Variants in CNTFR observed in about 807,000 individuals in gnomAD.
CNTFR encodes the protein ciliary neurotrophic factor receptor.
A neutral mutation model predicts 40.4 loss-of-function variants in CNTFR; 12 were observed. That is an observed-to-expected ratio of 0.30 (90% CI 0.19 to 0.48). The LOEUF (loss-of-function observed/expected upper bound fraction) is 0.48. Ranked by LOEUF, CNTFR falls within the 20% of genes least tolerant of loss-of-function variation. CNTFR has a pLI of 0.99. For missense variants in CNTFR, 414 were observed against 506.8 expected (o/e 0.82, Z 1.76); for synonymous variants, 202 against 209.6 (o/e 0.96, Z 0.31).
chr9:34,590,296 C>T (rs1410775567), upstream of CNTFR, among the ~76,000 whole-genome samples: 2 of 152,216 alleles, frequency 1.3e-5, no homozygotes, highest in East Asian at 3.9e-4. Context: ...TGCGCACACT[C>T]CCGCACGTTC....
At chr9:34,569,589 T>C (rs1826485849) in intron 2 of CNTFR, 1 of 153,394 alleles carries the variant, frequency 6.5e-6, no homozygotes, top group Non-Finnish European at 1.5e-5. Context: ...GCCCCTCAGA[T>C]CCGTCATCTG....
intron 7 of CNTFR, among the ~76,000 whole-genome samples, chr9:34,555,855 G>A (rs1825810113): frequency 6.6e-6 from 1 of 151,478 alleles, no homozygotes; most frequent in Non-Finnish European, 1.5e-5. Context: ...CTGAGAGCGA[G>A]GTAAGGAAAG....
intron 7 of CNTFR, among the ~76,000 whole-genome samples, chr9:34,554,099 G>A (rs1162550092): frequency 6.6e-6 from 1 of 152,104 alleles, no homozygotes; most frequent in Admixed American, 6.5e-5. Context: ...ACACCTTTTG[G>A]GCCCAGACCC....
chr9:34,565,429 C>T (rs991513785), intron 3 of CNTFR, among the ~76,000 whole-genome samples: 1 of 152,144 alleles, frequency 6.6e-6, no homozygotes, highest in African/African-American at 2.4e-5. Context: ...CCCAGCCTGC[C>T]ACCCCACAAC....
chr9:34,564,665 C>T lies in CNTFR; in HGVS notation c.253G>A (p.Gly85Ser). Reference protein sequence around the residue: ...VLHGLELGHSGLYACFHRDSW... With the variant: ...VLHGLELGHSSLYACFHRDSW... Reference sequence around the variant, plus strand: ...TCACGGTGGAAGCAGGCGTAGAGGCCACTGTGGCCCAGTTCCAGGCCATGG... The same window carrying T: ...TCACGGTGGAAGCAGGCGTAGAGGCTACTGTGGCCCAGTTCCAGGCCATGG... Residue 85 changes from glycine to serine, a missense_variant, in exon 4 of 10, where the codon GGC becomes AGC. Physicochemically the swap from Gly to Ser is moderately conservative, Grantham distance 56. This residue lies in a region of CNTFR where 250 missense variants were observed against 269.5 expected (regional missense o/e 0.93). Transcript: ENST00000378980. 1 of 1,613,764 alleles carries T rather than the reference C, an allele frequency of 6.2e-7. No homozygotes were observed. The highest frequency in any genetic ancestry group is 1.3e-5 in the African/African-American group (1 of 74,990).
At chr9:34,562,043 T>C (rs1826097456) in intron 4 of CNTFR, among the ~76,000 whole-genome samples, 1 of 152,164 alleles carries the variant, frequency 6.6e-6, no homozygotes, top group South Asian at 2.1e-4. Context: ...CAAGACCCAA[T>C]TCCCCTCCAA....
Position 34,551,987 on chromosome 9 carries a change from A to G in CNTFR, c.*84T>C. On this transcript the variant is annotated 3_prime_UTR_variant, in exon 10 of 10. Transcript: ENST00000378980. ...GCAAAAGGTCCTCCTGCCCGTGTGC[A>G]AAATAGAAACCGGGGTCTGCAGGCT... is the stretch of plus-strand genomic sequence containing the variant. The G allele has an allele frequency of 1.2e-6, 1 of 835,106 alleles. No individual in the cohort carries two copies. Among genetic ancestry groups the G allele is most frequent in the Non-Finnish European group, 2.0e-6 (1 of 492,742 alleles). The allele number at this position is 835,106 out of a possible 1,614,324, so 51.7% of individuals were successfully genotyped here.
intron 1 of CNTFR, among the ~76,000 whole-genome samples, chr9:34,588,743 G>A (rs1227130947): frequency 6.6e-6 from 1 of 152,234 alleles, no homozygotes; most frequent in Non-Finnish European, 1.5e-5. Flanking sequence ...AACGCTGGAG[G>A]AGAGGCTCGG....
At chr9:34,575,344 C>T (rs537135041) in intron 2 of CNTFR, among the ~76,000 whole-genome samples, 4 of 152,210 alleles carry the variant, frequency 2.6e-5, no homozygotes, top group East Asian at 1.9e-4. Context: ...AGGGACAGAA[C>T]GCTGTAGCAC....
intron 7 of CNTFR, among the ~76,000 whole-genome samples, chr9:34,553,446 G>A (rs1825715326): frequency 6.6e-6 from 1 of 152,192 alleles, no homozygotes; most frequent in African/African-American, 2.4e-5. Flanking sequence ...GGGTTACAAT[G>A]AGGACCAAGG....
chr9:34,566,202 C>G (rs374873931), intron 3 of CNTFR, among the ~76,000 whole-genome samples: 2 of 152,108 alleles, frequency 1.3e-5, no homozygotes, highest in Non-Finnish European at 2.9e-5. Context: ...ACTGGAACAT[C>G]TGTCCCGGTT....
chr9:34,564,460 G>T, intron 4 of CNTFR, 139 bp downstream of exon 4: 1 of 831,992 alleles, frequency 1.2e-6, no homozygotes, highest in Non-Finnish European at 1.9e-6. Context: ...AGCGGGCCAG[G>T]ACAAAATCAG....
intron 2 of CNTFR, among the ~76,000 whole-genome samples, chr9:34,580,716 C>T (rs1422195368): frequency 6.6e-6 from 1 of 152,176 alleles, no homozygotes; most frequent in African/African-American, 2.4e-5. Flanking sequence ...TTCTGACCTG[C>T]CATCCCATCT....
rs140245219 is a variant in CNTFR, at chr9:34,564,794, C to T, written c.124G>A (p.Val42Met). The change falls in exon 4 of 10, where the codon GTG becomes ATG. Residue 42 changes from valine to methionine, a missense_variant. This residue lies in a region of CNTFR where 250 missense variants were observed against 269.5 expected (regional missense o/e 0.93). Transcript: ENST00000378980. Reference sequence around the variant, plus strand: ...TTTGCTGTCCCACATGGCAGTGTCACGTCAGAGCCCAGGCGCTCGTACTGC... The same window carrying T: ...TTTGCTGTCCCACATGGCAGTGTCATGTCAGAGCCCAGGCGCTCGTACTGC... Reference protein sequence around the residue: ...HVQYERLGSDVTLPCGTANWD... With the variant: ...HVQYERLGSDMTLPCGTANWD... 19 of 1,613,978 alleles carry T rather than the reference C, an allele frequency of 1.2e-5. No homozygotes were observed. Among genetic ancestry groups the T allele is most frequent in the East Asian group, 6.7e-5 (3 of 44,884 alleles).
intron 1 of CNTFR, among the ~76,000 whole-genome samples, chr9:34,586,545 G>A (rs1289562277): frequency 2.0e-5 from 3 of 152,150 alleles, no homozygotes; most frequent in East Asian, 3.9e-4. Flanking sequence ...ATGGGGCGGG[G>A]GAGATGTCTT....
intron 1 of CNTFR, among the ~76,000 whole-genome samples, chr9:34,584,570 A>T (rs1317728512): frequency 6.6e-6 from 1 of 152,180 alleles, no homozygotes; most frequent in East Asian, 1.9e-4. Context: ...TGGTGCCCAC[A>T]ACAGCTACAC....
chr9:34,563,363 G>T (rs1333049104), intron 4 of CNTFR, among the ~76,000 whole-genome samples: 2 of 152,234 alleles, frequency 1.3e-5, no homozygotes, highest in East Asian at 3.8e-4. Flanking sequence ...CTGATGGGCA[G>T]GAGCTAGTGT....
At chr9:34,571,139 G>A (rs911829700) in intron 2 of CNTFR, among the ~76,000 whole-genome samples, 9 of 152,184 alleles carry the variant, frequency 5.9e-5, no homozygotes, top group South Asian at 2.1e-4. Flanking sequence ...AGGCCTAGGA[G>A]GTTAAGACAA....
In CNTFR at chr9:34,551,906, G is replaced by C. The variant is rs1053610296; in HGVS notation, c.*165C>G. On this transcript the variant is annotated 3_prime_UTR_variant, in exon 10 of 10. Coordinates refer to ENST00000378980, the MANE Select transcript of CNTFR (RefSeq NM_147164.3). Reference sequence around the variant, plus strand: ...AGGGCCAGCTTGGTGCGGCAGGGCTGGGGGGCGGCAGGCCCGGGCCCGCCG... The same window carrying C: ...AGGGCCAGCTTGGTGCGGCAGGGCTCGGGGGCGGCAGGCCCGGGCCCGCCG... The C allele has an allele frequency of 5.4e-5, 38 of 706,322 alleles. No homozygotes were observed. The highest frequency in any genetic ancestry group is 4.8e-4 in the South Asian group (32 of 66,544). 43.8% of individuals were successfully genotyped at this position (706,322 alleles called of 1,614,324 possible).
Sources: allele counts gnomAD v4.1 joint callset (sites outside exome capture counted in the v4.1 genomes callset), GRCh38; gene constraint gnomAD v4.1.1; regional missense constraint gnomAD v4.1.1; transcripts MANE v1.5; gene names NCBI Gene and HGNC (gene_info 2026-07-23, HGNC 2026-07-21).